Variants in PFKFB3 observed in about 807,000 individuals in gnomAD.
PFKFB3 encodes the protein 6-phosphofructo-2-kinase/fructose-2,6-bisphosphatase 3.
A neutral mutation model predicts 68.0 loss-of-function variants in PFKFB3; 33 were observed. That is an observed-to-expected ratio of 0.49 (90% CI 0.37 to 0.65). PFKFB3 has a LOEUF of 0.65. Among genes scored for constraint, PFKFB3 ranks in the 30% least tolerant of loss-of-function variants. The pLI, the probability that PFKFB3 is intolerant of heterozygous loss-of-function variation, is 0.00. For synonymous variants in PFKFB3, 315 were observed against 288.2 expected (o/e 1.09, Z -0.94); for missense variants, 586 against 712.2 (o/e 0.82, Z 2.02).
intron 1 of PFKFB3, among the ~76,000 whole-genome samples, chr10:6,188,060 T>C (rs1842922834): frequency 6.6e-6 from 1 of 151,998 alleles, no homozygotes; most frequent in Admixed American, 6.6e-5. Flanking sequence ...TTTATATGGA[T>C]ATATGTGTGT....
At chr10:6,183,614 A>AAATATATATATAT (rs1242752213) in intron 1 of PFKFB3, among the ~76,000 whole-genome samples, 4 of 93,944 alleles carry the variant, frequency 4.3e-5, no homozygotes, top group African/African-American at 1.4e-4. Flanking sequence ...AAAAAAAAAA[A>AAATATATATATAT]ATATATATAT....
chr10:6,277,645 G>A, the PFKFB3 span: 21 of 278,354 alleles, frequency 7.5e-5, no homozygotes, highest in Non-Finnish European at 9.7e-5. Flanking sequence ...CTCCTGCTCT[G>A]GCCATGTAAG....
intron 1 of PFKFB3, among the ~76,000 whole-genome samples, chr10:6,179,523 C>T (rs1261144937): frequency 6.6e-6 from 1 of 152,128 alleles, no homozygotes; most frequent in Non-Finnish European, 1.5e-5. Flanking sequence ...GTTTCCCTAG[C>T]GAGCCCCCCG....
chr10:6,155,209 T>C (rs567092158), intron 1 of PFKFB3, among the ~76,000 whole-genome samples: 1 of 147,720 alleles, frequency 6.8e-6, no homozygotes, highest in East Asian at 2.0e-4. Flanking sequence ...TTTTTTCTTT[T>C]TTTTTTTTTT....
chr10:6,307,509 TTTTCCTTC>T, the PFKFB3 span, among the ~76,000 whole-genome samples: 1 of 128,156 alleles, frequency 7.8e-6, no homozygotes, highest in Non-Finnish European at 1.7e-5. Flanking sequence ...CTCCTTCTCT[TTTTCCTTC>T]CTTCCTTCCT....
chr10:6,155,392 G>A (rs1841745442), intron 1 of PFKFB3, among the ~76,000 whole-genome samples: 1 of 151,836 alleles, frequency 6.6e-6, no homozygotes, highest in African/African-American at 2.4e-5. Context: ...TTTTCATAGA[G>A]ACGGGGTTTC....
chr10:6,192,531 C>G (rs1249443538), intron 1 of PFKFB3, among the ~76,000 whole-genome samples: 1 of 152,180 alleles, frequency 6.6e-6, no homozygotes, highest in Non-Finnish European at 1.5e-5. Flanking sequence ...ATGGGCCGGC[C>G]TTGCCTGGCC....
the PFKFB3 span, among the ~76,000 whole-genome samples, chr10:6,275,522 G>A: frequency 6.6e-6 from 1 of 152,216 alleles, no homozygotes; most frequent in African/African-American, 2.4e-5. This position sits in a 1 kb window ranked among gnomAD's most constrained non-coding sequence, Gnocchi z 4.9. Context: ...CTCTTGCTGG[G>A]AATTTTCTCA....
intron 1 of PFKFB3, among the ~76,000 whole-genome samples, chr10:6,192,732 G>T (rs1427295176): frequency 1.3e-5 from 2 of 150,286 alleles, no homozygotes; most frequent in South Asian, 2.1e-4. Flanking sequence ...TCACTGATCT[G>T]CTGGGGAAAC....
At chr10:6,320,656 C>A in the PFKFB3 span, among the ~76,000 whole-genome samples, 1 of 152,160 alleles carries the variant, frequency 6.6e-6, no homozygotes, top group Non-Finnish European at 1.5e-5. Flanking sequence ...AACTCCTGGG[C>A]TTAAGGGATC....
intron 14 of PFKFB3, chr10:6,254,097 C>CTTTT: frequency 3.0e-6 from 1 of 331,598 alleles, no homozygotes; most frequent in Non-Finnish European, 5.1e-6. Flanking sequence ...TTTCAGATGG[C>CTTTT]TTTTTTTTTT....
At chr10:6,260,151 C>T in the PFKFB3 span, among the ~76,000 whole-genome samples, 7 of 152,198 alleles carry the variant, frequency 4.6e-5, no homozygotes, top group Admixed American at 2.6e-4. Flanking sequence ...CGGTGGCTCA[C>T]GCTTGTAATC....
upstream of PFKFB3, among the ~76,000 whole-genome samples, chr10:6,202,167 C>T (rs1843384783): frequency 6.6e-6 from 1 of 152,206 alleles, no homozygotes; most frequent in South Asian, 2.1e-4. Flanking sequence ...GCCAGCTGCC[C>T]CCAGCCCCAG....
rs565698469 is a variant in PFKFB3, at chr10:6,220,564, T to C, written c.624-94T>C. 2.2e-5 allele frequency: 26 copies of C among 1,166,014 alleles called. No individual in the cohort carries two copies. In the South Asian group the frequency reaches 3.1e-4, roughly 14 times the overall value. The allele number at this position is 1,166,014 out of a possible 1,614,324, so 72.2% of individuals were successfully genotyped here. A position where few individuals can be genotyped will look rare whatever the true frequency, so the allele number is the denominator to read the frequency against. On this transcript the variant is annotated intron_variant, in intron 7 of 14. Transcript: ENST00000379775. This position sits in a 1 kb window ranked among gnomAD's most constrained non-coding sequence, Gnocchi z 4.1. ...GGAGGGGCCTACGGTCCCGCCTTGCTGTTCTCTGGGGATCACATCTTCGGA... is the reference window on the plus strand; with the variant it reads ...GGAGGGGCCTACGGTCCCGCCTTGCCGTTCTCTGGGGATCACATCTTCGGA...
At chr10:6,243,545 G>A (rs1243073815) in intron 14 of PFKFB3, among the ~76,000 whole-genome samples, 1 of 152,240 alleles carries the variant, frequency 6.6e-6, no homozygotes, top group East Asian at 1.9e-4. Context: ...AGTGGAGGCA[G>A]CCGCTTCCTG....
At chr10:6,219,142 C>CA (rs1396426962) in intron 6 of PFKFB3, among the ~76,000 whole-genome samples, 1 of 152,234 alleles carries the variant, frequency 6.6e-6, no homozygotes. Context: ...CACACAAGGC[C>CA]AGAGGCATCT....
At chr10:6,251,038 C>T (rs1846370493) in intron 14 of PFKFB3, among the ~76,000 whole-genome samples, 1 of 152,138 alleles carries the variant, frequency 6.6e-6, no homozygotes, top group African/African-American at 2.4e-5. Context: ...GTCCCCCGTC[C>T]CCATGGGTAT....
intron 1 of PFKFB3, among the ~76,000 whole-genome samples, chr10:6,166,054 A>G (rs1231604325): frequency 6.8e-6 from 1 of 147,168 alleles, no homozygotes; most frequent in African/African-American, 2.5e-5. Flanking sequence ...ATCCCGGCTC[A>G]CTGCAACTTC....
In PFKFB3 at chr10:6,233,035, T is replaced by C. The variant is rs1359496664; in HGVS notation, c.*93T>C. On this transcript the variant is annotated 3_prime_UTR_variant, in exon 15 of 15. Transcript: ENST00000379775. ...GGCAAAACGTATCCTGAGGACTTCT[T>C]CCGGAGAGGGTGGGGTGGAGCAGCG... The C allele has an allele frequency of 1.2e-5, 12 of 991,312 alleles. No individual in the cohort carries two copies. The highest frequency in any genetic ancestry group is 1.9e-5 in the Non-Finnish European group (12 of 616,828). The allele number at this position is 991,312 out of a possible 1,614,324, so 61.4% of individuals were successfully genotyped here.
Sources: allele counts gnomAD v4.1 joint callset (sites outside exome capture counted in the v4.1 genomes callset), GRCh38; gene constraint gnomAD v4.1.1; non-coding constraint Gnocchi (gnomAD v3.1); transcripts MANE v1.5; gene names NCBI Gene and HGNC (gene_info 2026-07-23, HGNC 2026-07-21).